Variants in SECISBP2L observed in about 807,000 individuals in gnomAD.
The protein encoded by SECISBP2L is SECIS binding protein 2 like.
In SECISBP2L, 43 loss-of-function variants were observed where a neutral mutation model predicts 114.7. The ratio of observed to expected loss-of-function variants is 0.38; its 90% CI spans 0.29 to 0.48. The LOEUF (loss-of-function observed/expected upper bound fraction) is 0.48. SECISBP2L is among the 20% of genes least tolerant of loss of function. The pLI is 0.98. For synonymous variants in SECISBP2L, 451 were observed against 439.7 expected, an observed-to-expected ratio of 1.03 and a Z score of -0.32; for missense variants, 1,136 against 1,301.1, an observed-to-expected ratio of 0.87 and a Z score of 1.95.
At chr15:49,028,760 G>GT in intron 4 of SECISBP2L, 78 bp from the exon 5 acceptor site, 3 of 1,218,588 alleles carry the variant, frequency 2.5e-6, no homozygotes, top group Middle Eastern at 2.0e-4. Flanking sequence ...CATTAAGATT[G>GT]TAAGAAAATA....
At chr15:49,038,630 T>C (rs894032608) in intron 1 of SECISBP2L, among the ~76,000 whole-genome samples, 1 of 152,154 alleles carries the variant, frequency 6.6e-6, no homozygotes, top group Non-Finnish European at 1.5e-5. Context: ...ACAAGGTGTT[T>C]GTCCTGTAAC....
At chr15:49,032,894 C>T in intron 4 of SECISBP2L, 71 bp downstream of exon 4, 1 of 1,565,550 alleles carries the variant, frequency 6.4e-7, no homozygotes, top group Non-Finnish European at 8.7e-7. Flanking sequence ...GTGGTTCAGA[C>T]CACAATTATA....
At position 49,027,904 on chromosome 15, in the gene SECISBP2L, C is replaced by T. The variant is rs78523690; in HGVS notation, c.919+240G>A. ...GATTAGAGGCGTGAGCCACCTTACCCGGCCCTATAAACTTCTAAGCAGTAC... is the reference window on the plus strand; with the variant it reads ...GATTAGAGGCGTGAGCCACCTTACCTGGCCCTATAAACTTCTAAGCAGTAC... On this transcript the variant is annotated intron_variant, in intron 6 of 17. Coordinates refer to ENST00000559471, the MANE Select transcript of SECISBP2L (RefSeq NM_001193489.2). 5.4e-3 allele frequency among the ~76,000 whole-genome samples: 821 copies of T among 152,282 alleles called. 4 individuals carry two copies. Among genetic ancestry groups the T allele is most frequent in the African/African-American group, 0.019 (775 of 41,538 alleles).
chr15:49,002,411 T>C (rs190865801), intron 14 of SECISBP2L, among the ~76,000 whole-genome samples: 4 of 152,348 alleles, frequency 2.6e-5, no homozygotes, highest in Admixed American at 2.6e-4. Flanking sequence ...GCCTATTCAC[T>C]CTGACGATAG....
chr15:48,997,936 G>A (rs1902128464), intron 16 of SECISBP2L, among the ~76,000 whole-genome samples: 1 of 152,064 alleles, frequency 6.6e-6, no homozygotes, highest in African/African-American at 2.4e-5. Context: ...CCATGATACC[G>A]AATGATGTCC....
chr15:49,031,711 T>C (rs1470581622), intron 4 of SECISBP2L, among the ~76,000 whole-genome samples: 1 of 152,158 alleles, frequency 6.6e-6, no homozygotes, highest in Non-Finnish European at 1.5e-5. Context: ...AAAATAAAAA[T>C]ACTAATAGGA....
At chr15:49,042,463 T>C (rs1463532030) in intron 1 of SECISBP2L, 1 of 152,248 alleles carries the variant, frequency 6.6e-6, no homozygotes, top group Non-Finnish European at 1.5e-5. Context: ...CAGTTCACCC[T>C]TCCTTAGGCA....
chr15:49,002,718 C>T (rs534767955), intron 14 of SECISBP2L, among the ~76,000 whole-genome samples: 1 of 152,240 alleles, frequency 6.6e-6, no homozygotes, highest in Non-Finnish European at 1.5e-5. Flanking sequence ...GAATCCTTTC[C>T]CCATTGCTTG....
intron 11 of SECISBP2L, chr15:49,013,073 C>T (rs1021663798): frequency 1.8e-5 from 6 of 337,184 alleles, no homozygotes; most frequent in Non-Finnish European, 3.2e-5. Flanking sequence ...TCCTGTACAA[C>T]CCTCAAACAT....
Position 49,019,464 on chromosome 15 carries a change from C to T in SECISBP2L, c.1124G>A (p.Ser375Asn), listed in dbSNP as rs1174463081. The change falls in exon 8 of 18, where the codon AGT becomes AAT. Residue 375 changes from serine (S) to asparagine (N), a missense_variant. Physicochemically the swap from Ser to Asn is conservative, Grantham distance 46. This residue lies in a region of SECISBP2L where 452 missense variants were observed against 452.3 expected (regional missense o/e 1.00). Coordinates refer to ENST00000559471, the MANE Select transcript of SECISBP2L (RefSeq NM_001193489.2). ...KRPDNKHLSS[S>N]QSHRSDPNSE... ...ATTTGGATCGCTTCTATGGGATTGACTAGAGCTTAAATGCTTATTATCTGG... is the reference window on the plus strand; with the variant it reads ...ATTTGGATCGCTTCTATGGGATTGATTAGAGCTTAAATGCTTATTATCTGG... The T allele has an allele frequency of 6.6e-7, 1 of 1,504,328 alleles. No individual in the cohort carries two copies. The highest frequency in any genetic ancestry group is 8.8e-7 in the Non-Finnish European group (1 of 1,134,114). 93.2% of individuals were successfully genotyped at this position (1,504,328 alleles called of 1,614,324 possible).
At chr15:49,033,886 A>G (rs1431183319) in intron 3 of SECISBP2L, among the ~76,000 whole-genome samples, 1 of 152,196 alleles carries the variant, frequency 6.6e-6, no homozygotes, top group African/African-American at 2.4e-5. Flanking sequence ...TACTTTTAAA[A>G]ATATAAGTAT....
rs375930764 is a variant in SECISBP2L, at chr15:48,992,292, C to T, written c.3258G>A (p.Ser1086=). 46 of 1,612,296 alleles carry T rather than the reference C, an allele frequency of 2.9e-5. No homozygotes were observed. The highest frequency in any genetic ancestry group is 3.5e-5 in the Non-Finnish European group (41 of 1,179,510). The part of the protein sequence containing the change: ...PGQQKSSNCS[S]LNKEHSDSNY... ...TAGAATCAGAGTGCTCTTTGTTGAG[C>T]GAGCTGCAGTTGCTGGACTTCTGCT... The change falls in exon 18 of 18, where the codon TCG becomes TCA. Residue 1086 remains serine, a synonymous_variant. Coordinates refer to ENST00000559471, the MANE Select transcript of SECISBP2L (RefSeq NM_001193489.2).
In SECISBP2L at chr15:49,033,107, T is replaced by A. The variant is rs201826580; in HGVS notation, c.529-7A>T. 2.3e-5 allele frequency: 33 copies of A among 1,407,878 alleles called. No individual in the cohort carries two copies. The highest frequency in any genetic ancestry group is 8.0e-5 in the Admixed American group (4 of 49,724). The allele number at this position is 1,407,878 out of a possible 1,614,324, so 87.2% of individuals were successfully genotyped here. On this transcript the variant is annotated splice_polypyrimidine_tract_variant and splice_region_variant and intron_variant, in intron 3 of 17. Coordinates refer to ENST00000559471, the MANE Select transcript of SECISBP2L (RefSeq NM_001193489.2). ...GCTGTTGTAAAAGCTGTTGCTGATT[T>A]AAAAAAAAAACAAAAAAACAAAAAA...
rs371992491 is a variant in SECISBP2L, at chr15:49,000,927, T to C, written c.2198A>G (p.Lys733Arg). Reference sequence around the variant, plus strand: ...TGGAGAAATTATAACACACTTGATCTTGTTTAACTTCATATGTTTGGTAAC... The same window carrying C: ...TGGAGAAATTATAACACACTTGATCCTGTTTAACTTCATATGTTTGGTAAC... Reference protein sequence around the residue: ...REVTKHMKLNKIKCVIISPNC... With the variant: ...REVTKHMKLNRIKCVIISPNC... The change falls in exon 15 of 18, where the codon AAG (lysine) becomes AGG (arginine). Residue 733 changes from lysine (K) to arginine (R), a missense_variant. Lys to Arg is a conservative substitution (Grantham distance 26). Coordinates refer to ENST00000559471, the MANE Select transcript of SECISBP2L (RefSeq NM_001193489.2). 13 of 1,613,608 alleles carry C rather than the reference T, an allele frequency of 8.1e-6. No individual in the cohort carries two copies. The highest frequency in any genetic ancestry group is 1.7e-5 in the Admixed American group (1 of 59,950).
At chr15:48,994,185 A>G (rs1351860110) in intron 17 of SECISBP2L, among the ~76,000 whole-genome samples, 1 of 152,040 alleles carries the variant, frequency 6.6e-6, no homozygotes, top group African/African-American at 2.4e-5. Context: ...ATCTCAAAGC[A>G]GAAGACACCT....
chr15:48,991,622 A>G lies in SECISBP2L; in HGVS notation c.*622T>C, dbSNP rs1901979030. 6.6e-6 allele frequency: 1 copy of G among 152,540 alleles called. No homozygotes were observed. The highest frequency in any genetic ancestry group is 6.5e-5 in the Admixed American group (1 of 15,286). The allele number at this position is 152,540 out of a possible 1,614,324, so 9.4% of individuals were successfully genotyped here. The stretch of plus-strand genomic sequence containing the variant: ...CCACAAATGAGGCTAGCTAGCTATA[A>G]TCTAAGATGGTGGCTCCACTGCTAG... On this transcript the variant is annotated 3_prime_UTR_variant, in exon 18 of 18. Coordinates refer to ENST00000559471, the MANE Select transcript of SECISBP2L (RefSeq NM_001193489.2).
rs981691414 is a variant in SECISBP2L at position 49,038,664 on chromosome 15, T to C, written c.25-895A>G. On this transcript the variant is annotated intron_variant, in intron 1 of 17. Transcript: ENST00000559471. ...ACAATTCATCAAGCTGTACATTGGTTTTATGCAGTTTCTATATGTTATAGT... is the reference window on the plus strand; with the variant it reads ...ACAATTCATCAAGCTGTACATTGGTCTTATGCAGTTTCTATATGTTATAGT... 3.9e-5 allele frequency among the ~76,000 whole-genome samples: 6 copies of C among 152,272 alleles called. No individual in the cohort carries two copies. The South Asian group carries it at 1.0e-3, about 26-fold the overall frequency.
chr15:48,994,349 T>C (rs1902046308), intron 17 of SECISBP2L, among the ~76,000 whole-genome samples: 1 of 152,216 alleles, frequency 6.6e-6, no homozygotes, highest in Admixed American at 6.5e-5. Context: ...TGCTGTTCAT[T>C]TGTAACATCT....
intron 7 of SECISBP2L, among the ~76,000 whole-genome samples, chr15:49,021,704 C>G: frequency 6.6e-6 from 1 of 152,218 alleles, no homozygotes; most frequent in East Asian, 1.9e-4. Flanking sequence ...AAAACAATTT[C>G]CTTTAAAAAC....
Sources: gnomAD v4.1 joint callset for allele counts (sites outside exome capture counted in the v4.1 genomes callset) on GRCh38, gnomAD v4.1.1 for gene constraint, gnomAD v4.1.1 regional missense constraint, MANE v1.5 for transcripts, NCBI Gene and HGNC (gene_info 2026-07-23, HGNC 2026-07-21) for gene names.